The following PCP4 variants were observed in gnomAD, a reference collection of about 807,000 sequenced individuals.
The protein encoded by PCP4 is calmodulin regulator protein PCP4.
A neutral mutation model predicts 10.0 loss-of-function variants in PCP4; 8 were observed. That is an observed-to-expected ratio of 0.80 (90% CI 0.47 to 1.45). The LOEUF is 1.45. PCP4 is among the 40% of genes most tolerant of loss of function. The pLI is 0.00. For missense variants in PCP4, 54 were observed against 74.4 expected (o/e 0.73, Z 1.01); for synonymous variants, 21 against 23.0 (o/e 0.91, Z 0.24).
chr21:39,886,568 G>C (rs1028151005), intron 1 of PCP4, among the ~76,000 whole-genome samples: 1 of 152,092 alleles, frequency 6.6e-6, no homozygotes, highest in African/African-American at 2.4e-5. Context: ...TCACACCATT[G>C]CACTCCAGCC....
intron 1 of PCP4, among the ~76,000 whole-genome samples, chr21:39,872,833 T>A (rs35345669): frequency 0.65 from 99,145 of 152,090 alleles, 34,100 homozygotes; most frequent in African/African-American, 0.89. Flanking sequence ...TTTGGGAAAG[T>A]TGTATTCCAT....
At chr21:39,920,719 C>G (rs2087593133) in intron 2 of PCP4, among the ~76,000 whole-genome samples, 1 of 152,172 alleles carries the variant, frequency 6.6e-6, no homozygotes, top group African/African-American at 2.4e-5. Context: ...CTCTGTCATG[C>G]CCTAGGTGAC....
intron 1 of PCP4, among the ~76,000 whole-genome samples, chr21:39,873,386 A>T (rs2087329768): frequency 1.3e-5 from 2 of 152,202 alleles, no homozygotes; most frequent in Admixed American, 1.3e-4. Context: ...TCTAAAATTA[A>T]TTCTTAATAG....
chr21:39,911,584 C>T (rs570479238), intron 2 of PCP4, among the ~76,000 whole-genome samples: 2 of 152,348 alleles, frequency 1.3e-5, no homozygotes, highest in Non-Finnish European at 2.9e-5. Context: ...ACCTTTTCAC[C>T]TGTGGGCCTC....
intron 1 of PCP4, among the ~76,000 whole-genome samples, chr21:39,875,431 G>T (rs748591795): frequency 6.6e-6 from 1 of 152,296 alleles, no homozygotes; most frequent in East Asian, 1.9e-4. Context: ...CAAGACGGGC[G>T]ATGGTGTGGA....
At chr21:39,903,276 TA>T (rs1415657416) in intron 2 of PCP4, among the ~76,000 whole-genome samples, 1 of 152,214 alleles carries the variant, frequency 6.6e-6, no homozygotes, top group Non-Finnish European at 1.5e-5. Flanking sequence ...TCTCTTGACT[TA>T]GCGAGCTGTG....
At chr21:39,876,003 A>G (rs941731800) in intron 1 of PCP4, among the ~76,000 whole-genome samples, 6 of 151,902 alleles carry the variant, frequency 3.9e-5, no homozygotes, top group Non-Finnish European at 7.4e-5. Flanking sequence ...TAGTGCTTCT[A>G]TCGTTTCCTT....
chr21:39,897,880 A>G (rs1248681967), intron 1 of PCP4, among the ~76,000 whole-genome samples: 1 of 151,960 alleles, frequency 6.6e-6, no homozygotes, highest in Non-Finnish European at 1.5e-5. Flanking sequence ...CTCTGTCTCT[A>G]CTAAAAATAC....
At chr21:39,927,848 A>C (rs2087632390) in intron 2 of PCP4, among the ~76,000 whole-genome samples, 1 of 152,036 alleles carries the variant, frequency 6.6e-6, no homozygotes, top group Non-Finnish European at 1.5e-5. Flanking sequence ...GCCTCCCCAC[A>C]GGGACACGGA....
At chr21:39,923,000 C>T (rs1364099239) in intron 2 of PCP4, among the ~76,000 whole-genome samples, 1 of 152,194 alleles carries the variant, frequency 6.6e-6, no homozygotes, top group African/African-American at 2.4e-5. Context: ...TGTTCTCTTA[C>T]ATCAGATCTG....
chr21:39,924,258 G>A (rs1351803660), intron 2 of PCP4, among the ~76,000 whole-genome samples: 1 of 152,216 alleles, frequency 6.6e-6, no homozygotes, highest in Non-Finnish European at 1.5e-5. Context: ...AGGTACAACC[G>A]AGTGTTGATC....
chr21:39,922,641 G>A (rs186813417), intron 2 of PCP4, among the ~76,000 whole-genome samples: 26 of 152,256 alleles, frequency 1.7e-4, no homozygotes, highest in Non-Finnish European at 2.5e-4. Flanking sequence ...TCTGTGTCAG[G>A]TCCTGGTGGT....
chr21:39,872,500 A>G (rs559086095), intron 1 of PCP4, among the ~76,000 whole-genome samples: 2 of 152,300 alleles, frequency 1.3e-5, no homozygotes, highest in South Asian at 4.1e-4. Context: ...AGGTCTTCAT[A>G]CTGGGAGAAA....
At chr21:39,880,343 T>C (rs1365230710) in intron 1 of PCP4, among the ~76,000 whole-genome samples, 1 of 152,198 alleles carries the variant, frequency 6.6e-6, no homozygotes. Context: ...AATAAGAAAC[T>C]ATTGTGTTCA....
rs1228641152 is a variant in PCP4, at chr21:39,929,370, A to G, written c.*259A>G. The stretch of plus-strand genomic sequence containing the variant: ...CAACTATTTTCCTTGATGTTGTAAT[A>G]AAATGAAGTTACGATGAGTGAATTC... On this transcript the variant is annotated 3_prime_UTR_variant, in exon 3 of 3. Transcript: ENST00000328619. 3.2e-6 allele frequency: 1 copy of G among 309,808 alleles called. No individual in the cohort carries two copies. The highest frequency in any genetic ancestry group is 5.4e-5 in the East Asian group (1 of 18,686). The allele number at this position is 309,808 out of a possible 1,614,324, so 19.2% of individuals were successfully genotyped here. A position where few individuals can be genotyped will look rare whatever the true frequency, so the allele number is the denominator to read the frequency against.
chr21:39,912,323 T>G (rs1263285430), intron 2 of PCP4, among the ~76,000 whole-genome samples: 1 of 131,922 alleles, frequency 7.6e-6, no homozygotes, highest in East Asian at 2.0e-4. Flanking sequence ...TTTTTTTTTT[T>G]TTTTAAAGTA....
At chr21:39,880,065 C>T (rs2146327599) in intron 1 of PCP4, among the ~76,000 whole-genome samples, 1 of 152,276 alleles carries the variant, frequency 6.6e-6, no homozygotes, top group South Asian at 2.1e-4. Context: ...GCTGAAGAAA[C>T]ATAATTCCAT....
chr21:39,898,892 C>T (rs1468485366), intron 2 of PCP4, among the ~76,000 whole-genome samples: 2 of 152,174 alleles, frequency 1.3e-5, no homozygotes, highest in Non-Finnish European at 2.9e-5. Flanking sequence ...CTGTGAAGTA[C>T]ACAACTTCTG....
At chr21:39,892,891 T>A (rs561218802) in intron 1 of PCP4, among the ~76,000 whole-genome samples, 1 of 152,304 alleles carries the variant, frequency 6.6e-6, no homozygotes, top group Non-Finnish European at 1.5e-5. Context: ...TGCAACAACA[T>A]GGATGGAACT....
Sources: gnomAD v4.1 joint callset for allele counts (sites outside exome capture counted in the v4.1 genomes callset) on GRCh38, gnomAD v4.1.1 for gene constraint, MANE v1.5 for transcripts, NCBI Gene and HGNC (gene_info 2026-07-23, HGNC 2026-07-21) for gene names.